The following MICAL3 variants were observed in gnomAD, a reference collection of about 807,000 sequenced individuals.
MICAL3 encodes the protein microtubule associated monooxygenase, calponin and LIM domain containing 3, also known as [F-actin]-monooxygenase MICAL3.
Under a neutral mutation model 207.4 loss-of-function variants are expected in MICAL3, and 62 were observed. The observed-to-expected ratio is 0.30, with a 90% CI of 0.24 to 0.37. MICAL3 has a LOEUF of 0.37. MICAL3 is among the 10% of genes least tolerant of loss of function. The probability of loss-of-function intolerance (pLI) is 1.00; values close to 1 mark genes in which losing one functional copy is unlikely to be tolerated. For synonymous variants in MICAL3, 1,077 were observed against 1,069.3 expected (o/e 1.01, Z -0.14); for missense variants, 2,368 against 2,635.6 (o/e 0.90, Z 2.22).
At chr22:17,854,776 G>C (rs899911979) in intron 19 of MICAL3, among the ~76,000 whole-genome samples, 3 of 152,198 alleles carry the variant, frequency 2.0e-5, no homozygotes, top group African/African-American at 7.2e-5. Flanking sequence ...GCATGAGGCC[G>C]CAGGAATTAA....
chr22:17,810,591 C>CCTCTG (rs2062037780), intron 28 of MICAL3, 112 bp downstream of exon 28: 3 of 850,458 alleles, frequency 3.5e-6, no homozygotes, highest in South Asian at 1.6e-5. Context: ...GGCCCGTCTA[C>CCTCTG]CTCTGCTCTG....
At chr22:17,810,440 C>T (rs545651584) in intron 28 of MICAL3, among the ~76,000 whole-genome samples, 63 of 152,284 alleles carry the variant, frequency 4.1e-4, no homozygotes, top group African/African-American at 1.3e-3. Context: ...TGAAGTGATC[C>T]GCCTGCCTCA....
intron 1 of MICAL3, among the ~76,000 whole-genome samples, chr22:17,914,531 A>G (rs2146284489): frequency 6.6e-6 from 1 of 152,334 alleles, no homozygotes; most frequent in East Asian, 1.9e-4. Context: ...AGCTTGAGAA[A>G]TGAAAGCTCA....
intron 19 of MICAL3, chr22:17,863,393 C>G (rs980763553): frequency 1.1e-5 from 11 of 985,418 alleles, no homozygotes; most frequent in Non-Finnish European, 1.2e-5. Flanking sequence ...CATTCTATAG[C>G]ATAAAGCCAA....
rs949654053 is a variant in MICAL3 at position 17,917,230 on chromosome 22, CTT to C, written c.-74-10346_-74-10345del. 7.1e-4 allele frequency among the ~76,000 whole-genome samples: 108 copies of C among 152,250 alleles called. 1 individual carries two copies. The highest frequency in any genetic ancestry group is 2.5e-3 in the African/African-American group (103 of 41,536). On this transcript the variant is annotated intron_variant, in intron 1 of 31. Coordinates refer to ENST00000441493, the MANE Select transcript of MICAL3 (RefSeq NM_015241.3). ...CTTGTGCGACCAATCACTTGTGTGACTTTTCTACCTGGATGTTTGACAGGCAT... is the reference window on the plus strand; with the variant it reads ...CTTGTGCGACCAATCACTTGTGTGACTTCTACCTGGATGTTTGACAGGCAT...
chr22:17,989,614 C>T (rs1047518752), intron 1 of MICAL3, among the ~76,000 whole-genome samples: 2 of 152,156 alleles, frequency 1.3e-5, no homozygotes, highest in Admixed American at 6.5e-5. Context: ...TTAAGACAAT[C>T]CTACCATGGC....
intron 16 of MICAL3, among the ~76,000 whole-genome samples, chr22:17,883,228 T>C (rs1929590395): frequency 6.6e-6 from 1 of 152,168 alleles, no homozygotes; most frequent in Non-Finnish European, 1.5e-5. Context: ...TCAGAAGACC[T>C]CCCTCATGCA....
chr22:17,904,300 C>T (rs1040092601), intron 3 of MICAL3, among the ~76,000 whole-genome samples: 1 of 152,242 alleles, frequency 6.6e-6, no homozygotes, highest in African/African-American at 2.4e-5. Context: ...TGGGCCCAAA[C>T]TGGTCATCGT....
intron 1 of MICAL3, among the ~76,000 whole-genome samples, chr22:18,000,863 G>A (rs1281135095): frequency 1.3e-5 from 2 of 152,176 alleles, no homozygotes; most frequent in African/African-American, 4.8e-5. Context: ...GCAGCGGGAC[G>A]GGGAGGCCCC....
At chr22:17,828,708 A>G (rs577726784) in intron 21 of MICAL3, among the ~76,000 whole-genome samples, 1 of 152,112 alleles carries the variant, frequency 6.6e-6, no homozygotes, top group Non-Finnish European at 1.5e-5. Flanking sequence ...GCCCTGTGGG[A>G]TCCCTGTACT....
chr22:17,883,402 C>T (rs1929603128), intron 16 of MICAL3, among the ~76,000 whole-genome samples: 1 of 152,210 alleles, frequency 6.6e-6, no homozygotes, highest in African/African-American at 2.4e-5. Flanking sequence ...CCCAACTCAC[C>T]ACTCCTCAGT....
chr22:17,914,620 T>C (rs1289536790), intron 1 of MICAL3, among the ~76,000 whole-genome samples: 1 of 152,098 alleles, frequency 6.6e-6, no homozygotes, highest in South Asian at 2.1e-4. Context: ...CAGCTAGCAA[T>C]GGATATGCAG....
chr22:17,896,236 T>C lies in MICAL3; in HGVS notation c.1322+10A>G. 2.0e-6 allele frequency: 3 copies of C among 1,522,550 alleles called. No homozygotes were observed. The highest frequency in any genetic ancestry group is 2.7e-6 in the Non-Finnish European group (3 of 1,120,100). The allele number at this position is 1,522,550 out of a possible 1,614,324, so 94.3% of individuals were successfully genotyped here. ...TCTCATGAAAGGAACCCCGGGTTAC[T>C]TCCCATTACCTCTCTGCCAGCACTT... On this transcript the variant is annotated intron_variant, in intron 9 of 31. Coordinates refer to ENST00000441493, the MANE Select transcript of MICAL3 (RefSeq NM_015241.3).
chr22:17,951,759 C>T (rs896421058), intron 1 of MICAL3, among the ~76,000 whole-genome samples: 6 of 151,566 alleles, frequency 4.0e-5, no homozygotes, highest in Admixed American at 2.0e-4. Context: ...TGCAGTGGCG[C>T]GATCTTGGCT....
At chr22:17,877,318 A>C (rs1928781157) in intron 16 of MICAL3, among the ~76,000 whole-genome samples, 22 of 121,556 alleles carry the variant, frequency 1.8e-4, no homozygotes, top group African/African-American at 9.3e-4. Flanking sequence ...GAGGTTAGGG[A>C]GGTTAGGGAG....
At chr22:17,908,308 TC>T (rs1483779446) in intron 1 of MICAL3, among the ~76,000 whole-genome samples, 3 of 151,276 alleles carry the variant, frequency 2.0e-5, no homozygotes, top group Non-Finnish European at 4.4e-5. Flanking sequence ...CCTAAGACTT[TC>T]TTTTTTTCTT....
intron 16 of MICAL3, chr22:17,876,981 AGG>A (rs1928589830): frequency 2.3e-5 from 3 of 131,278 alleles, no homozygotes; most frequent in Non-Finnish European, 4.7e-5. Context: ...TATGGAGGTT[AGG>A]GAGGTTAGGG....
rs1483918239 is a variant in MICAL3 at position 17,793,170 on chromosome 22, A to T, written c.5651-1869T>A. Among the ~76,000 whole-genome samples the T allele has an allele frequency of 6.6e-6, 1 of 152,242 alleles. No individual in the cohort carries two copies. Among genetic ancestry groups the T allele is most frequent in the African/African-American group, 2.4e-5 (1 of 41,474 alleles). ...GCGCTGTGGACGGCAGGTAAGAGTT[A>T]GCAGGGTTAGTCACGGCCACACCCC... On this transcript the variant is annotated intron_variant, in intron 29 of 31. Coordinates refer to ENST00000441493, the MANE Select transcript of MICAL3 (RefSeq NM_015241.3). The surrounding 1 kb of genome is among the most constrained non-coding windows in gnomAD (Gnocchi z 4.1).
chr22:17,918,732 C>T lies in MICAL3; in HGVS notation c.-74-11846G>A, dbSNP rs564608573. Among the ~76,000 whole-genome samples the T allele has an allele frequency of 6.5e-3, 988 of 152,300 alleles. 10 individuals are homozygous for T. Among genetic ancestry groups the T allele is most frequent in the African/African-American group, 0.023 (957 of 41,552 alleles). ...CTGGCCGCAATGGCCTCCCCATGTT[C>T]CCCACCTACCAGACACCCTCTCACC... On this transcript the variant is annotated intron_variant, in intron 1 of 31. Transcript: ENST00000441493.
Sources: gnomAD v4.1 joint callset for allele counts (sites outside exome capture counted in the v4.1 genomes callset) on GRCh38, gnomAD v4.1.1 for gene constraint, Gnocchi (gnomAD v3.1) non-coding constraint, MANE v1.5 for transcripts, NCBI Gene and HGNC (gene_info 2026-07-23, HGNC 2026-07-21) for gene names.